ZNF718: variants seen among roughly 807,000 people sequenced by gnomAD.
ZNF718 encodes the protein zinc finger protein 718.
Under a neutral mutation model 2.6 loss-of-function variants are expected in ZNF718, and 3 were observed. The ratio of observed to expected loss-of-function variants is 1.16; its 90% CI spans 0.53 to 3.01. ZNF718 has a LOEUF of 3.01. ZNF718 is among the 30% of genes most tolerant of loss of function. The pLI, the probability that ZNF718 is intolerant of heterozygous loss-of-function variation, is 0.03. For synonymous variants in ZNF718, 135 were observed against 77.9 expected (o/e 1.73, Z -3.86); for missense variants, 468 against 230.0 (o/e 2.03, Z -6.69).
At chr4:181,842 G>T (rs1553819870) in intron 3 of ZNF718, among the ~76,000 whole-genome samples, 1 of 152,022 alleles carries the variant, frequency 6.6e-6, no homozygotes, top group East Asian at 1.9e-4. Flanking sequence ...TCAGGCCCCA[G>T]TGTGTGTTTT....
At chr4:175,953 T>C (rs1413444093) in intron 3 of ZNF718, among the ~76,000 whole-genome samples, 4 of 147,312 alleles carry the variant, frequency 2.7e-5, no homozygotes, top group Non-Finnish European at 5.9e-5. Context: ...GCCTCCCAGG[T>C]TCATGCCATT....
At chr4:175,183 G>A (rs1436159989) in intron 3 of ZNF718, among the ~76,000 whole-genome samples, 1 of 152,228 alleles carries the variant, frequency 6.6e-6, no homozygotes, top group African/African-American at 2.4e-5. Context: ...GCCTGCCTAA[G>A]TGACACTTGC....
At chr4:178,130 A>G (rs1553819329) in intron 3 of ZNF718, among the ~76,000 whole-genome samples, 1 of 149,520 alleles carries the variant, frequency 6.7e-6, no homozygotes, top group Non-Finnish European at 1.5e-5. Context: ...GCTGGATTGT[A>G]TGATAATTTC....
chr4:163,669 CA>C lies in ZNF718; in HGVS notation c.*1548del, dbSNP rs1717005604. On this transcript the variant is annotated 3_prime_UTR_variant, in exon 4 of 4. Coordinates refer to ENST00000510175, the MANE Select transcript of ZNF718 (RefSeq NM_001039127.6). ...AGTTGCACATTTATGTAATAAAATA[CA>C]GTAAATTTTAAAATTCTCTTTTAAG... 6.6e-6 allele frequency: 1 copy of C among 151,970 alleles called. No homozygotes were observed. Among genetic ancestry groups the C allele is most frequent in the Non-Finnish European group, 1.5e-5 (1 of 67,992 alleles). 9.4% of individuals were successfully genotyped at this position (151,970 alleles called of 1,614,324 possible).
At chr4:148,492 C>T (rs1716165887) in intron 3 of ZNF718, among the ~76,000 whole-genome samples, 2 of 151,758 alleles carry the variant, frequency 1.3e-5, no homozygotes, top group Admixed American at 6.6e-5. Context: ...ATCTGTAATC[C>T]CGCTTACTCA....
At chr4:125,128 T>C (rs781959154) in intron 1 of ZNF718, 81 of 159,270 alleles carry the variant, frequency 5.1e-4, no homozygotes, top group South Asian at 2.8e-3. Context: ...GGAAAGGCTT[T>C]TGTGAGGTGT....
At chr4:159,761 T>A (rs1198611933) in intron 3 of ZNF718, among the ~76,000 whole-genome samples, 1 of 152,066 alleles carries the variant, frequency 6.6e-6, no homozygotes. Flanking sequence ...ATTTTGAATA[T>A]CTTCATTATT....
intron 3 of ZNF718, among the ~76,000 whole-genome samples, chr4:186,611 A>AT (rs1717570336): frequency 6.6e-6 from 1 of 151,640 alleles, no homozygotes; most frequent in African/African-American, 2.4e-5. Flanking sequence ...ATTCCTTTTC[A>AT]TTTTTTTCTC....
chr4:192,583 G>A (rs1408808137), intron 3 of ZNF718, among the ~76,000 whole-genome samples: 1 of 152,106 alleles, frequency 6.6e-6, no homozygotes, highest in East Asian at 1.9e-4. Context: ...TGCTGTTGGT[G>A]AGGTTGGCTG....
chr4:170,755 T>G (rs936377175), intron 3 of ZNF718, among the ~76,000 whole-genome samples: 2 of 152,180 alleles, frequency 1.3e-5, no homozygotes, highest in Admixed American at 6.5e-5. Flanking sequence ...CGTCTAATTT[T>G]TTTTCAAGGT....
At chr4:156,447 C>T (rs1716570300) in intron 3 of ZNF718, among the ~76,000 whole-genome samples, 1 of 152,018 alleles carries the variant, frequency 6.6e-6, no homozygotes, top group African/African-American at 2.4e-5. Context: ...ATTTCAAAAG[C>T]CATCATACCT....
At chr4:133,195 A>AAAAAAAAAAAT (rs1258303094) in intron 3 of ZNF718, among the ~76,000 whole-genome samples, 1 of 20,780 alleles carries the variant, frequency 4.8e-5, no homozygotes, top group African/African-American at 1.7e-4. Flanking sequence ...AAAAAAAAAA[A>AAAAAAAAAAAT]ATATATATAT....
At chr4:133,187 A>T (rs1417041657) in intron 3 of ZNF718, among the ~76,000 whole-genome samples, 1 of 23,294 alleles carries the variant, frequency 4.3e-5, no homozygotes, top group African/African-American at 1.9e-4. Context: ...TAAAAAAAAA[A>T]AAAAAAAAAT....
intron 3 of ZNF718, among the ~76,000 whole-genome samples, chr4:169,571 A>G (rs1296019886): frequency 1.3e-5 from 2 of 152,122 alleles, no homozygotes; most frequent in Admixed American, 6.6e-5. Flanking sequence ...ATAGTTAGTT[A>G]TTCTTGTTGA....
intron 3 of ZNF718, among the ~76,000 whole-genome samples, chr4:153,762 A>C (rs1196645555): frequency 2.0e-5 from 3 of 152,220 alleles, no homozygotes; most frequent in Non-Finnish European, 4.4e-5. Context: ...ACATTTGACA[A>C]ATCTATGGCT....
In ZNF718 at chr4:161,239, G is replaced by A. The variant is rs373401828; in HGVS notation, c.554G>A (p.Arg185His). ...GGCAAATCATTTCACGTGCTCTCAC[G>A]CCTAACTCAACACAAAAGAATTCAT... ...ECGKSFHVLS[R>H]LTQHKRIHTG... Residue 185 changes from arginine to histidine, a missense_variant, in exon 4 of 4, where the codon CGC becomes CAC. By Grantham distance (29) the Arg-to-His change is conservative (BLOSUM62 0). Coordinates refer to ENST00000510175, the MANE Select transcript of ZNF718 (RefSeq NM_001039127.6). 6.0e-5 allele frequency: 47 copies of A among 777,094 alleles called. No individual in the cohort carries two copies. The highest frequency in any genetic ancestry group is 2.3e-4 in the Middle Eastern group (1 of 4,406). 48.1% of individuals were successfully genotyped at this position (777,094 alleles called of 1,614,324 possible). A position where few individuals can be genotyped will look rare whatever the true frequency, so the allele number is the denominator to read the frequency against.
intron 3 of ZNF718, among the ~76,000 whole-genome samples, chr4:185,751 GC>G (rs1717554424): frequency 6.6e-6 from 1 of 152,096 alleles, no homozygotes; most frequent in South Asian, 2.1e-4. Context: ...CTTATGTAAT[GC>G]CTTTCTTTGT....
At position 172,207 on chromosome 4, in the gene ZNF718, G is replaced by A. The variant is rs190936451; in HGVS notation, c.227-28874G>A. On this transcript the variant is annotated intron_variant and NMD_transcript_variant, in intron 3 of 4. Coordinates refer to the ZNF718 transcript ENST00000642529. Reference sequence around the variant, plus strand: ...TGCCTCTTTTTTTCTGAATAAACAAGCATCCAGTAACCAGCATTTTGCCGT... The same window carrying A: ...TGCCTCTTTTTTTCTGAATAAACAAACATCCAGTAACCAGCATTTTGCCGT... Among the ~76,000 whole-genome samples the A allele has an allele frequency of 2.7e-3, 408 of 152,128 alleles. 6 individuals carry two copies. The highest frequency in any genetic ancestry group is 4.1e-3 in the Non-Finnish European group (282 of 67,986).
chr4:180,229 CT>C (rs1230451511), intron 3 of ZNF718, among the ~76,000 whole-genome samples: 1 of 152,122 alleles, frequency 6.6e-6, no homozygotes, highest in Admixed American at 6.5e-5. Flanking sequence ...GTTACCTACA[CT>C]TTTTTTGTCA....
Sources: allele counts gnomAD v4.1 joint callset (sites outside exome capture counted in the v4.1 genomes callset), GRCh38; gene constraint gnomAD v4.1.1; transcripts MANE v1.5; gene names NCBI Gene and HGNC (gene_info 2026-07-23, HGNC 2026-07-21).